Variants in BAZ1B observed in about 807,000 individuals in gnomAD.
BAZ1B encodes tyrosine-protein kinase BAZ1B.
A neutral mutation model predicts 153.8 loss-of-function variants in BAZ1B; 22 were observed. The ratio of observed to expected loss-of-function variants is 0.14; its 90% CI spans 0.10 to 0.20. The LOEUF (loss-of-function observed/expected upper bound fraction) is 0.20. BAZ1B is among the 10% of genes least tolerant of loss of function. The pLI is 1.00. For missense variants in BAZ1B, 1,325 were observed against 1,799.3 expected (o/e 0.74, Z 4.77); for synonymous variants, 676 against 633.4 (o/e 1.07, Z -1.01).
Position 73,498,537 on chromosome 7 carries a change from C to T in BAZ1B, c.531G>A (p.Glu177=). The T allele has an allele frequency of 2.5e-6, 4 of 1,614,064 alleles. No homozygotes were observed. The highest frequency in any genetic ancestry group is 3.4e-6 in the Non-Finnish European group (4 of 1,180,000). The change falls in exon 4 of 20, where the codon GAG becomes GAA. Residue 177 remains glutamate, a synonymous_variant. Coordinates refer to ENST00000339594, the MANE Select transcript of BAZ1B (RefSeq NM_032408.4). ...SQIAQDHQKK[E]TVVKEDEGRR... ...TTCCTTCATCCTCTTTCACAACTGT[C>T]TCCTTCTTCTGATGGTCCTGAGCAA...
rs1789704986 is a variant in BAZ1B at position 73,492,796 on chromosome 7, T to C, written c.693+4A>G. 6.3e-7 allele frequency: 1 copy of C among 1,598,956 alleles called. No individual in the cohort carries two copies. The highest frequency in any genetic ancestry group is 1.1e-5 in the South Asian group (1 of 87,742). On this transcript the variant is annotated splice_donor_region_variant and intron_variant, in intron 5 of 19. Coordinates refer to ENST00000339594, the MANE Select transcript of BAZ1B (RefSeq NM_032408.4). ...CACATGTAAAAAGTAAAGTGTCAAC[T>C]AACCTTATCTTCATTTTGTAGTTTC...
chr7:73,461,261 C>T (rs569140619), intron 12 of BAZ1B, among the ~76,000 whole-genome samples: 188 of 152,090 alleles, frequency 1.2e-3, no homozygotes, highest in Non-Finnish European at 2.3e-3. Flanking sequence ...CAGGCGTAAG[C>T]CACCGCGCCC....
intron 7 of BAZ1B, among the ~76,000 whole-genome samples, chr7:73,471,060 A>G (rs1698010417): frequency 6.6e-6 from 1 of 152,232 alleles, no homozygotes; most frequent in Non-Finnish European, 1.5e-5. Context: ...AATATATTTT[A>G]AACAATCCTG....
At position 73,469,604 on chromosome 7, in the gene BAZ1B, C is replaced by T; in HGVS notation, c.2779G>A (p.Gly927Ser). Residue 927 changes from glycine (G) to serine (S), a missense_variant, in exon 9 of 20, where the codon GGC (glycine) becomes AGC (serine). Physicochemically the swap from Gly to Ser is moderately conservative, Grantham distance 56. Around this residue, in one of 9 missense-constraint regions of BAZ1B, gnomAD observed 431 missense variants for 563.5 expected, o/e 0.76. Transcript: ENST00000339594. ...TAGTCAATGCTGTCATGTACCCAGC[C>T]TTTTTCAATGAATAATCCTGGAACT... ...DEVPGLFIEK[G>S]WVHDSIDYRF... 1 of 1,614,118 alleles carries T rather than the reference C, an allele frequency of 6.2e-7. No homozygotes were observed. The highest frequency in any genetic ancestry group is 8.5e-7 in the Non-Finnish European group (1 of 1,179,974).
rs1442330067 is a variant in BAZ1B at position 73,440,664 on chromosome 7, CG to C, written c.*1044del. 1 of 152,164 alleles carries C rather than the reference CG, an allele frequency of 6.6e-6. No individual in the cohort carries two copies. Among genetic ancestry groups the C allele is most frequent in the Non-Finnish European group, 1.5e-5 (1 of 68,020 alleles). 9.4% of individuals were successfully genotyped at this position (152,164 alleles called of 1,614,324 possible). On this transcript the variant is annotated 3_prime_UTR_variant, in exon 20 of 20. Coordinates refer to ENST00000339594, the MANE Select transcript of BAZ1B (RefSeq NM_032408.4). The stretch of plus-strand genomic sequence containing the variant: ...GCCAACTCCATGCCTATAGAAGGGA[CG>C]GTAAACTACCCAGCAGCCCTGGAGC...
At chr7:73,502,263 C>T (rs537157217) in intron 3 of BAZ1B, among the ~76,000 whole-genome samples, 60 of 152,112 alleles carry the variant, frequency 3.9e-4, no homozygotes, top group Non-Finnish European at 7.9e-4. Context: ...CCAAAACATG[C>T]TATCTACATA....
Position 73,449,656 on chromosome 7 carries a change from C to T in BAZ1B, c.3614G>A (p.Cys1205Tyr). 6.2e-7 allele frequency: 1 copy of T among 1,614,136 alleles called. No individual in the cohort carries two copies. Among genetic ancestry groups the T allele is most frequent in the Non-Finnish European group, 8.5e-7 (1 of 1,180,038 alleles). ...EDDKLILCDE[C>Y]NKAFHLFCLR... is the part of the protein sequence containing the mutation. ...ACAAAACAGGTGGAAGGCTTTATTA[C>T]ACTCATCACACAAGATCAATTTGTC... Residue 1205 changes from cysteine (C) to tyrosine (Y), a missense_variant, in exon 15 of 20, where the codon TGT (cysteine) becomes TAT (tyrosine). Physicochemically the swap from Cys to Tyr is radical, Grantham distance 194. This residue lies in a region of BAZ1B where 21 missense variants were observed against 58.3 expected (regional missense o/e 0.36). Transcript: ENST00000339594.
rs71071937 is a variant in BAZ1B at position 73,456,937 on chromosome 7, C to CAAAAA, written c.3432+2594_3432+2598dup. Among the ~76,000 whole-genome samples the CAAAAA allele has an allele frequency of 6.3e-4, 25 of 39,582 alleles. 3 individuals carry two copies. Among genetic ancestry groups the CAAAAA allele is most frequent in the Admixed American group, 1.4e-3 (3 of 2,142 alleles). The allele number at this position is 39,582 out of a possible 152,430, so 26.0% of individuals were successfully genotyped here. On this transcript the variant is annotated intron_variant, in intron 13 of 19. Transcript: ENST00000339594. Reference sequence around the variant, plus strand: ...GGCCTCGGCGACAGAGACTCTGTCTCAAAAAAAAAAAAAAAAAAAAAAAAA... The same window carrying CAAAAA: ...GGCCTCGGCGACAGAGACTCTGTCTCAAAAAAAAAAAAAAAAAAAAAAAAAAAAAA...
chr7:73,515,689 C>A (rs976884743), intron 1 of BAZ1B, among the ~76,000 whole-genome samples: 1 of 152,078 alleles, frequency 6.6e-6, no homozygotes, highest in African/African-American at 2.4e-5. Flanking sequence ...AGGCAAACGC[C>A]AGCATGTCCA....
chr7:73,497,065 C>CAAA (rs1156829240), intron 4 of BAZ1B, among the ~76,000 whole-genome samples: 9 of 49,488 alleles, frequency 1.8e-4, no homozygotes, highest in East Asian at 6.2e-4. Flanking sequence ...CTGACCTCTA[C>CAAA]AAAAAAAAAA....
chr7:73,457,807 C>T lies in BAZ1B; in HGVS notation c.3432+1729G>A, dbSNP rs142854097. ...TGAAAGGCAAGAGGAGGGGAGACTT[C>T]GGAGATTAAGCTCTACGAAGATACT... On this transcript the variant is annotated intron_variant, in intron 13 of 19. Coordinates refer to ENST00000339594, the MANE Select transcript of BAZ1B (RefSeq NM_032408.4). Among the ~76,000 whole-genome samples, 9 of 152,180 alleles carry T rather than the reference C, an allele frequency of 5.9e-5. No individual in the cohort carries two copies. The East Asian group carries it at 1.2e-3, about 20-fold the overall frequency.
At chr7:73,476,819 T>G (rs782544002) in intron 7 of BAZ1B, 49 bp downstream of exon 7, 43 of 1,536,704 alleles carry the variant, frequency 2.8e-5, no homozygotes, top group Non-Finnish European at 3.6e-5. Context: ...TTCCTTTCTT[T>G]TACTATCTTC....
intron 3 of BAZ1B, among the ~76,000 whole-genome samples, chr7:73,506,317 T>C (rs1280503502): frequency 6.6e-6 from 1 of 150,612 alleles, no homozygotes; most frequent in South Asian, 2.1e-4. Flanking sequence ...GCTAACACAG[T>C]GAAACCCCGT....
At chr7:73,519,352 C>T (rs1790937738) in intron 1 of BAZ1B, among the ~76,000 whole-genome samples, 2 of 152,152 alleles carry the variant, frequency 1.3e-5, no homozygotes, top group Admixed American at 1.3e-4. Context: ...ATTTGTTCTC[C>T]TCTATGAAAC....
chr7:73,493,132 T>C (rs886189730), intron 4 of BAZ1B, among the ~76,000 whole-genome samples: 4 of 152,120 alleles, frequency 2.6e-5, no homozygotes, highest in Admixed American at 6.6e-5. Context: ...ATAACTACAA[T>C]GTAGTAAACA....
intron 11 of BAZ1B, chr7:73,464,170 A>C: frequency 1.0e-6 from 1 of 984,904 alleles, no homozygotes; most frequent in Non-Finnish European, 1.2e-6. Flanking sequence ...GTACTGAATC[A>C]TATTTTCCTT....
rs551581275 is a variant in BAZ1B at position 73,507,167 on chromosome 7, C to T, written c.369+1160G>A. ...TGCTGGGATTACAGGTGTGAGCTAC[C>T]ACGCCCGGCCTGCAAGTCTTTTCAA... is the stretch of plus-strand genomic sequence containing the variant. On this transcript the variant is annotated intron_variant, in intron 3 of 19. Coordinates refer to ENST00000339594, the MANE Select transcript of BAZ1B (RefSeq NM_032408.4). 17 of 152,102 alleles carry T rather than the reference C, an allele frequency of 1.1e-4. No homozygotes were observed. In the South Asian group the frequency reaches 2.7e-3, roughly 24 times the overall value. 9.4% of individuals were successfully genotyped at this position (152,102 alleles called of 1,614,324 possible).
intron 15 of BAZ1B, among the ~76,000 whole-genome samples, chr7:73,448,946 G>A (rs1365558343): frequency 6.6e-6 from 1 of 152,140 alleles, no homozygotes. Context: ...GAGAAGACGT[G>A]ATATAAGAAA....
At chr7:73,508,234 C>A (rs1790424873) in intron 3 of BAZ1B, 93 bp downstream of exon 3, 2 of 1,294,076 alleles carry the variant, frequency 1.5e-6, no homozygotes, top group African/African-American at 1.5e-5. Flanking sequence ...CTAAATATAA[C>A]ACAGTTTTAC....
Sources: gnomAD v4.1 joint callset for allele counts (sites outside exome capture counted in the v4.1 genomes callset) on GRCh38, gnomAD v4.1.1 for gene constraint, gnomAD v4.1.1 regional missense constraint, MANE v1.5 for transcripts, NCBI Gene and HGNC (gene_info 2026-07-23, HGNC 2026-07-21) for gene names.